PRKAR1B: variants seen among roughly 807,000 people sequenced by gnomAD.
The protein encoded by PRKAR1B is protein kinase cAMP-dependent type I regulatory subunit beta.
PRKAR1B carries 22 observed loss-of-function variants against 46.5 expected under a neutral mutation model. The observed-to-expected ratio is 0.47, with a 90% CI of 0.34 to 0.68. The LOEUF is 0.68. Ranked by LOEUF, PRKAR1B falls within the 30% of genes least tolerant of loss-of-function variation. PRKAR1B has a pLI of 0.01. For missense variants in PRKAR1B, 445 were observed against 535.6 expected (o/e 0.83, Z 1.67); for synonymous variants, 259 against 217.7 (o/e 1.19, Z -1.67).
chr7:673,070 A>C (rs1279734954), intron 4 of PRKAR1B, among the ~76,000 whole-genome samples: 152 of 143,312 alleles, frequency 1.1e-3, no homozygotes, highest in African/African-American at 3.7e-3. Flanking sequence ...AAAAAAAAAA[A>C]AAAAAAAACA....
At chr7:576,826 A>T (rs897373183) in intron 9 of PRKAR1B, among the ~76,000 whole-genome samples, 1 of 152,090 alleles carries the variant, frequency 6.6e-6, no homozygotes, top group Non-Finnish European at 1.5e-5. Flanking sequence ...CCCCTCAGGG[A>T]AGGGTAGTGA....
chr7:600,129 G>T (rs189585117), intron 6 of PRKAR1B, among the ~76,000 whole-genome samples: 1 of 152,368 alleles, frequency 6.6e-6, no homozygotes, highest in East Asian at 1.9e-4. Flanking sequence ...AGTGGTGACG[G>T]TTGTAAAACA....
chr7:683,407 C>G (rs1209944418), intron 2 of PRKAR1B, among the ~76,000 whole-genome samples: 3 of 152,148 alleles, frequency 2.0e-5, no homozygotes. Context: ...GTGCACCGGT[C>G]CAGGTGGGTG....
chr7:717,319 CAGAA>C (rs1780917072), intron 1 of PRKAR1B, among the ~76,000 whole-genome samples: 2 of 150,246 alleles, frequency 1.3e-5, no homozygotes, highest in South Asian at 4.3e-4. Context: ...GAGAGAGAGA[CAGAA>C]GGAAAGAAAG....
At chr7:670,398 G>C (rs1786170942) in intron 4 of PRKAR1B, among the ~76,000 whole-genome samples, 1 of 152,250 alleles carries the variant, frequency 6.6e-6, no homozygotes, top group Non-Finnish European at 1.5e-5. Context: ...GTGGTGACAA[G>C]CCTGTGCCTC....
Position 727,196 on chromosome 7 carries a change from C to G in PRKAR1B, c.-23+14G>C. ...CTGGCCGTGGACCTGTGCGGCGCCG[C>G]GCTCGCGCCCCACCTGGACGACGCT... On this transcript the variant is annotated intron_variant, in intron 1 of 10. Transcript: ENST00000537384. 1 of 1,346,844 alleles carries G rather than the reference C, an allele frequency of 7.4e-7. No homozygotes were observed. The highest frequency in any genetic ancestry group is 1.7e-5 in the South Asian group (1 of 59,858). The allele number at this position is 1,346,844 out of a possible 1,614,324, so 83.4% of individuals were successfully genotyped here.
At chr7:658,045 G>A (rs992078401) in intron 4 of PRKAR1B, among the ~76,000 whole-genome samples, 5 of 152,142 alleles carry the variant, frequency 3.3e-5, no homozygotes. Context: ...GGCCGAGACA[G>A]CAGCTCCGTG....
chr7:613,170 C>G (rs529347489), intron 4 of PRKAR1B, among the ~76,000 whole-genome samples: 210 of 150,364 alleles, frequency 1.4e-3, no homozygotes, highest in African/African-American at 4.7e-3. Context: ...CACCGTAAGG[C>G]TAATAGCAAC....
chr7:684,038 C>T (rs541023277), intron 2 of PRKAR1B, among the ~76,000 whole-genome samples: 1 of 150,862 alleles, frequency 6.6e-6, no homozygotes, highest in African/African-American at 2.4e-5. Context: ...CACCTCCACA[C>T]GTGTGCTGAT....
chr7:606,149 T>C, intron 6 of PRKAR1B, 44 bp downstream of exon 6: 2 of 1,606,064 alleles, frequency 1.2e-6, no homozygotes, highest in Non-Finnish European at 1.7e-6. Context: ...ACACCGGACA[T>C]GCAAAGACGC....
intron 2 of PRKAR1B, among the ~76,000 whole-genome samples, chr7:688,540 C>T (rs1404565542): frequency 1.3e-5 from 2 of 152,200 alleles, no homozygotes; most frequent in East Asian, 1.9e-4. Context: ...AGCCCCATAC[C>T]CCTCACCTGC....
intron 4 of PRKAR1B, among the ~76,000 whole-genome samples, chr7:663,040 G>A (rs954857000): frequency 1.3e-5 from 2 of 152,082 alleles, no homozygotes; most frequent in African/African-American, 4.8e-5. Context: ...AAGACACTCA[G>A]GAACTTAGTC....
At chr7:704,346 C>G (rs1780204188) in intron 2 of PRKAR1B, among the ~76,000 whole-genome samples, 1 of 152,164 alleles carries the variant, frequency 6.6e-6, no homozygotes, top group Admixed American at 6.6e-5. Context: ...ATTACCGTCT[C>G]AGGAATGAAA....
In PRKAR1B at chr7:561,036, A is replaced by G. The variant is rs144930343; in HGVS notation, c.892-9566T>C. Among the ~76,000 whole-genome samples, 3 of 151,248 alleles carry G rather than the reference A, an allele frequency of 2.0e-5. No homozygotes were observed. The East Asian group carries it at 5.8e-4, about 29-fold the overall frequency. On this transcript the variant is annotated intron_variant, in intron 9 of 10. Coordinates refer to ENST00000537384, the MANE Select transcript of PRKAR1B (RefSeq NM_001164760.2). ...TACACACACACGTGTGAACACACAC[A>G]CATACACACAGATGCATATTTGTGC...
At chr7:594,268 G>A (rs898978535) in intron 7 of PRKAR1B, among the ~76,000 whole-genome samples, 12 of 152,150 alleles carry the variant, frequency 7.9e-5, no homozygotes, top group Non-Finnish European at 1.2e-4. Flanking sequence ...GGCTGGCCTC[G>A]GGCATGGAGT....
Position 721,369 on chromosome 7 carries a change from G to A in PRKAR1B, c.-23+5841C>T, listed in dbSNP as rs147380833. Reference sequence around the variant, plus strand: ...TCTGTTAAAATTATCTTTCTGGGCCGGGCACGGTGGCTCACGCCTGTAATC... The same window carrying A: ...TCTGTTAAAATTATCTTTCTGGGCCAGGCACGGTGGCTCACGCCTGTAATC... On this transcript the variant is annotated intron_variant, in intron 1 of 10. Coordinates refer to ENST00000537384, the MANE Select transcript of PRKAR1B (RefSeq NM_001164760.2). 1.7e-3 allele frequency among the ~76,000 whole-genome samples: 255 copies of A among 152,238 alleles called. 1 individual carries two copies. Among genetic ancestry groups the A allele is most frequent in the African/African-American group, 5.7e-3 (236 of 41,532 alleles).
In PRKAR1B at chr7:700,661, T is replaced by G. The variant is rs546822292; in HGVS notation, c.177+10668A>C. ...TGGGGGAATCAGCAAAGAAATCAAA[T>G]TTATTTAAAAAAAAAAGGAAGAAGA... On this transcript the variant is annotated intron_variant, in intron 2 of 10. Coordinates refer to ENST00000537384, the MANE Select transcript of PRKAR1B (RefSeq NM_001164760.2). Among the ~76,000 whole-genome samples the G allele has an allele frequency of 5.8e-4, 87 of 149,680 alleles. 1 individual carries two copies. Among genetic ancestry groups the G allele is most frequent in the African/African-American group, 2.1e-3 (85 of 40,560 alleles).
chr7:615,498 A>G (rs1166246589), intron 4 of PRKAR1B, among the ~76,000 whole-genome samples: 2 of 151,426 alleles, frequency 1.3e-5, no homozygotes, highest in Admixed American at 6.6e-5. Flanking sequence ...AAGAAAGGAA[A>G]GGAAAGGAAA....
At chr7:709,351 A>G (rs980061884) in intron 2 of PRKAR1B, among the ~76,000 whole-genome samples, 2 of 150,240 alleles carry the variant, frequency 1.3e-5, no homozygotes, top group Non-Finnish European at 3.0e-5. Context: ...GTGTGTATGC[A>G]TGTGTGTGTG....
Sources: gnomAD v4.1 joint callset for allele counts (sites outside exome capture counted in the v4.1 genomes callset) on GRCh38, gnomAD v4.1.1 for gene constraint, MANE v1.5 for transcripts, NCBI Gene and HGNC (gene_info 2026-07-23, HGNC 2026-07-21) for gene names.